The following PRKCG variants were observed in gnomAD, a reference collection of about 807,000 sequenced individuals.
PRKCG encodes the protein protein kinase C gamma type.
PRKCG carries 28 observed loss-of-function variants against 82.0 expected under a neutral mutation model. The observed-to-expected ratio is 0.34, with a 90% CI of 0.25 to 0.47. PRKCG has a LOEUF of 0.47. Among genes scored for constraint, PRKCG ranks in the 20% least tolerant of loss-of-function variants. PRKCG has a pLI of 1.00. For missense variants in PRKCG, 640 were observed against 952.7 expected (o/e 0.67, Z 4.32); for synonymous variants, 383 against 376.6 (o/e 1.02, Z -0.20).
At chr19:53,896,864 A>G (rs2068722002) in intron 9 of PRKCG, among the ~76,000 whole-genome samples, 1 of 152,248 alleles carries the variant, frequency 6.6e-6, no homozygotes, top group Non-Finnish European at 1.5e-5. Context: ...TAAAAGTGCC[A>G]GGAAGGTGCT....
Position 53,907,241 on chromosome 19 carries a change from A to C in PRKCG, c.*346A>C. ...TCTTGGTAGTTCTGTGCCTCCCCCC[A>C]GACCCCGCCCCTGGGGAAATAGCCT... is the stretch of plus-strand genomic sequence containing the variant. On this transcript the variant is annotated 3_prime_UTR_variant, in exon 18 of 18. Coordinates refer to ENST00000263431, the MANE Select transcript of PRKCG (RefSeq NM_002739.5). 1 of 386,072 alleles carries C rather than the reference A, an allele frequency of 2.6e-6. No homozygotes were observed. The highest frequency in any genetic ancestry group is 4.8e-6 in the Non-Finnish European group (1 of 206,206). 23.9% of individuals were successfully genotyped at this position (386,072 alleles called of 1,614,324 possible). A position where few individuals can be genotyped will look rare whatever the true frequency, so the allele number is the denominator to read the frequency against.
chr19:53,886,339 C>T (rs915799685), intron 3 of PRKCG, among the ~76,000 whole-genome samples: 2 of 152,084 alleles, frequency 1.3e-5, no homozygotes, highest in East Asian at 2.0e-4. Flanking sequence ...CCTGACCTCA[C>T]GTGATCCACC....
intron 16 of PRKCG, among the ~76,000 whole-genome samples, chr19:53,905,250 C>T (rs1272135120): frequency 1.3e-5 from 2 of 152,134 alleles, no homozygotes; most frequent in East Asian, 3.9e-4. Context: ...GCCTCCCCTC[C>T]ATCTGCATAC....
chr19:53,892,693 C>A lies in PRKCG; in HGVS notation c.821+50C>A. The A allele has an allele frequency of 6.3e-7, 1 of 1,588,774 alleles. No homozygotes were observed. Among genetic ancestry groups the A allele is most frequent in the Non-Finnish European group, 8.5e-7 (1 of 1,171,488 alleles). On this transcript the variant is annotated intron_variant, in intron 7 of 17. Coordinates refer to ENST00000263431, the MANE Select transcript of PRKCG (RefSeq NM_002739.5). This position sits in a 1 kb window ranked among gnomAD's most constrained non-coding sequence, Gnocchi z 5.9. ...GGATGGAGCGCAATATTACCATCTC[C>A]ATCTGTGTGTGGTCTCTCTCCTCCA...
chr19:53,890,745 C>A lies in PRKCG; in HGVS notation c.529+728C>A, dbSNP rs562053023. 1.8e-3 allele frequency among the ~76,000 whole-genome samples: 241 copies of A among 134,374 alleles called. 1 individual carries two copies. Among genetic ancestry groups the A allele is most frequent in the African/African-American group, 7.0e-3 (219 of 31,284 alleles). The allele number at this position is 134,374 out of a possible 152,430, so 88.2% of individuals were successfully genotyped here. A position where few individuals can be genotyped will look rare whatever the true frequency, so the allele number is the denominator to read the frequency against. ...TACAGGCGCCTGCCACCACATCCGG[C>A]TAATTTTTTTTTTTTTTTTTTTTTG... On this transcript the variant is annotated intron_variant, in intron 5 of 17. Coordinates refer to ENST00000263431, the MANE Select transcript of PRKCG (RefSeq NM_002739.5).
At chr19:53,899,358 G>A (rs1327907745) in intron 11 of PRKCG, among the ~76,000 whole-genome samples, 1 of 152,174 alleles carries the variant, frequency 6.6e-6, no homozygotes, top group African/African-American at 2.4e-5. Flanking sequence ...GTGGAGGAGG[G>A]TGCCTTCCTA....
intron 3 of PRKCG, among the ~76,000 whole-genome samples, chr19:53,888,883 C>G (rs867014948): frequency 5.3e-5 from 8 of 152,076 alleles, no homozygotes; most frequent in African/African-American, 1.7e-4. Flanking sequence ...GCTCCTGCCT[C>G]CTTCATGTTC....
intron 9 of PRKCG, among the ~76,000 whole-genome samples, chr19:53,893,611 G>C (rs568888781): frequency 6.6e-4 from 100 of 152,214 alleles, no homozygotes; most frequent in African/African-American, 2.2e-3. Context: ...TTAAAATACA[G>C]GAAGATGTGC....
At chr19:53,905,375 ACT>A (rs1345842336) in intron 16 of PRKCG, among the ~76,000 whole-genome samples, 4 of 106,520 alleles carry the variant, frequency 3.8e-5, no homozygotes, top group African/African-American at 7.4e-5. Flanking sequence ...TCCTGTGTCC[ACT>A]CTCATACACA....
chr19:53,898,824 A>C (rs1200296118), intron 11 of PRKCG, among the ~76,000 whole-genome samples, 196 bp downstream of exon 11: 3 of 26,846 alleles, frequency 1.1e-4, no homozygotes, highest in East Asian at 1.2e-3. Context: ...GAAGGGACTC[A>C]TCGGGGGGCG....
Position 53,882,324 on chromosome 19 carries a change from G to T in PRKCG, c.-171G>T, listed in dbSNP as rs1259510289. 1 of 988,634 alleles carries T rather than the reference G, an allele frequency of 1.0e-6. No individual in the cohort carries two copies. The highest frequency in any genetic ancestry group is 1.5e-6 in the Non-Finnish European group (1 of 670,956). The allele number at this position is 988,634 out of a possible 1,614,324, so 61.2% of individuals were successfully genotyped here. On this transcript the variant is annotated 5_prime_UTR_variant, in exon 1 of 18. Transcript: ENST00000263431. This position sits in a 1 kb window ranked among gnomAD's most constrained non-coding sequence, Gnocchi z 6.1. ...CCCTGGCGGAGCCGGCGCGCCCGGG[G>T]TGCCGCTCCCTGCCTGGCGCGCTCC...
At chr19:53,882,084 G>T, upstream of PRKCG, 2 of 279,854 alleles carry the variant, frequency 7.1e-6, no homozygotes, top group Non-Finnish European at 1.4e-5. The surrounding 1 kb of genome is among the most constrained non-coding windows in gnomAD (Gnocchi z 6.1). Flanking sequence ...GTGCACGTGT[G>T]GGGGGCGGGG....
chr19:53,892,786 A>ATG lies in PRKCG; in HGVS notation c.821+143_821+144insTG. 1.9e-6 allele frequency: 2 copies of ATG among 1,043,260 alleles called. No individual in the cohort carries two copies. The highest frequency in any genetic ancestry group is 1.4e-6 in the Non-Finnish European group (1 of 732,258). 64.6% of individuals were successfully genotyped at this position (1,043,260 alleles called of 1,614,324 possible). A position where few individuals can be genotyped will look rare whatever the true frequency, so the allele number is the denominator to read the frequency against. ...CACACACACACACACACACACGCAC[A>ATG]CACACGCACACACCCCTCTCTCTCT... On this transcript the variant is annotated intron_variant, in intron 7 of 17. Transcript: ENST00000263431. This position sits in a 1 kb window ranked among gnomAD's most constrained non-coding sequence, Gnocchi z 5.9.
At chr19:53,899,152 AGGCGGTGAGTTCCTCGGTGGCATGGCCT>A (rs2068743423) in intron 11 of PRKCG, among the ~76,000 whole-genome samples, 2 of 150,158 alleles carry the variant, frequency 1.3e-5, no homozygotes, top group African/African-American at 2.5e-5. Context: ...GGGCGTGGCC[AGGCGGTGAGTTCCTCGGTGGCATGGCCT>A]GGCCAGGTGA....
In PRKCG at chr19:53,898,451, C is replaced by A; in HGVS notation, c.1104C>A (p.Ala368=). The change falls in exon 11 of 18, where the codon GCC becomes GCA. Residue 368 remains alanine, a synonymous_variant. Transcript: ENST00000263431. ...AACTGTGCGCATAGGTGATGCTGGC[C>A]GAGCGCAGGGGCTCTGATGAGCTCT... ...GKGSFGKVML[A]ERRGSDELYA... 6.2e-7 allele frequency: 1 copy of A among 1,613,942 alleles called. No homozygotes were observed. The highest frequency in any genetic ancestry group is 8.5e-7 in the Non-Finnish European group (1 of 1,180,006).
At chr19:53,902,243 G>A (rs1019495709) in intron 14 of PRKCG, among the ~76,000 whole-genome samples, 12 of 151,930 alleles carry the variant, frequency 7.9e-5, no homozygotes, top group African/African-American at 1.5e-4. Flanking sequence ...GTGAAACCCC[G>A]TCTCTACTAA....
Position 53,884,061 on chromosome 19 carries a change from T to C in PRKCG, c.203-100T>C. The C allele has an allele frequency of 8.6e-7, 1 of 1,165,854 alleles. No individual in the cohort carries two copies. The highest frequency in any genetic ancestry group is 1.3e-6 in the Non-Finnish European group (1 of 784,088). 72.2% of individuals were successfully genotyped at this position (1,165,854 alleles called of 1,614,324 possible). A position where few individuals can be genotyped will look rare whatever the true frequency, so the allele number is the denominator to read the frequency against. On this transcript the variant is annotated intron_variant, in intron 2 of 17. Coordinates refer to ENST00000263431, the MANE Select transcript of PRKCG (RefSeq NM_002739.5). This position sits in a 1 kb window ranked among gnomAD's most constrained non-coding sequence, Gnocchi z 4.6. ...ATCCCTCTCTTTCTGGTTTTCTCAG[T>C]GTCCGAGTTCCGCTCTCTCTTTCCA...
chr19:53,896,020 A>G (rs953682415), intron 9 of PRKCG, among the ~76,000 whole-genome samples: 1 of 150,346 alleles, frequency 6.7e-6, no homozygotes, highest in African/African-American at 2.5e-5. Context: ...AGATCGTGCC[A>G]CTGCACTACA....
chr19:53,887,263 C>T (rs911277988), intron 3 of PRKCG, among the ~76,000 whole-genome samples: 2 of 151,498 alleles, frequency 1.3e-5, no homozygotes, highest in African/African-American at 2.4e-5. Context: ...TTTGGGAGAC[C>T]GAGGCGGGTG....
Sources: allele counts gnomAD v4.1 joint callset (sites outside exome capture counted in the v4.1 genomes callset), GRCh38; gene constraint gnomAD v4.1.1; non-coding constraint Gnocchi (gnomAD v3.1); transcripts MANE v1.5; gene names NCBI Gene and HGNC (gene_info 2026-07-23, HGNC 2026-07-21).